PRDM5: variants seen among roughly 807,000 people sequenced by gnomAD.
PRDM5 encodes PR/SET domain 5, also known as PR domain zinc finger protein 5.
In PRDM5, 56 loss-of-function variants were observed where a neutral mutation model predicts 81.2. The ratio of observed to expected loss-of-function variants is 0.69; its 90% CI spans 0.56 to 0.86. The LOEUF is 0.86. Among genes scored for constraint, PRDM5 ranks in the 40% least tolerant of loss-of-function variants. The pLI is 0.00. For missense variants in PRDM5, 697 were observed against 770.1 expected, an observed-to-expected ratio of 0.91 and a Z score of 1.12; for synonymous variants, 267 against 256.4, an observed-to-expected ratio of 1.04 and a Z score of -0.39.
chr4:120,743,541 C>T (rs1404644233), intron 14 of PRDM5, among the ~76,000 whole-genome samples: 9 of 133,578 alleles, frequency 6.7e-5, no homozygotes, highest in Middle Eastern at 3.7e-3. Flanking sequence ...ACCCATCTCA[C>T]GTGCAGAGAC....
intron 14 of PRDM5, among the ~76,000 whole-genome samples, chr4:120,753,076 C>T (rs1295501665): frequency 6.6e-6 from 1 of 152,146 alleles, no homozygotes; most frequent in Non-Finnish European, 1.5e-5. Flanking sequence ...TGTCTATCTT[C>T]AGTAATCAAG....
In PRDM5 at chr4:120,753,578, G is replaced by A. The variant is rs776567857; in HGVS notation, c.1623+975C>T. Among the ~76,000 whole-genome samples the A allele has an allele frequency of 2.1e-4, 32 of 151,996 alleles. 1 individual carries two copies. The highest frequency in any genetic ancestry group is 2.6e-4 in the Non-Finnish European group (18 of 67,970). On this transcript the variant is annotated intron_variant, in intron 14 of 15. Transcript: ENST00000264808. ...TGGAAGGCTACAGTATTATTATACCGGGAAGAATATTATTATTATGTGTTT... is the reference window on the plus strand; with the variant it reads ...TGGAAGGCTACAGTATTATTATACCAGGAAGAATATTATTATTATGTGTTT...
Position 120,777,275 on chromosome 4 carries a change from T to C in PRDM5, c.1450A>G (p.Thr484Ala), listed in dbSNP as rs1748310565. ...GGACAGATTTTCTCCTTTTCTCCTG[T>C]ATGTGTCTAAAAGGAAAGGGATAAA... ...SVLRSHKKTH[T>A]GEKEKICPYC... Residue 484 changes from threonine to alanine, a missense_variant, in exon 13 of 16, where the codon ACA becomes GCA. This residue lies in a region of PRDM5 where 577 missense variants were observed against 606.7 expected (regional missense o/e 0.95). Transcript: ENST00000264808. The C allele has an allele frequency of 6.2e-7, 1 of 1,613,308 alleles. No homozygotes were observed. The highest frequency in any genetic ancestry group is 8.5e-7 in the Non-Finnish European group (1 of 1,179,442).
At chr4:120,899,842 A>G (rs912111927) in intron 2 of PRDM5, among the ~76,000 whole-genome samples, 8 of 152,148 alleles carry the variant, frequency 5.3e-5, no homozygotes, top group African/African-American at 9.7e-5. Flanking sequence ...CCAACTTGCT[A>G]TAGACTGGAG....
downstream of PRDM5, among the ~76,000 whole-genome samples, chr4:120,688,604 T>C (rs1733922318): frequency 6.6e-6 from 1 of 152,194 alleles, no homozygotes; most frequent in Non-Finnish European, 1.5e-5. Context: ...TTTTAAAGTT[T>C]TGGGTTTTAC....
At position 120,692,854 on chromosome 4, in the gene PRDM5, A is replaced by T. The variant is rs1167175618; in HGVS notation, c.*2257T>A. 1 of 152,078 alleles carries T rather than the reference A, an allele frequency of 6.6e-6. No individual in the cohort carries two copies. The highest frequency in any genetic ancestry group is 1.9e-4 in the East Asian group (1 of 5,196). The allele number at this position is 152,078 out of a possible 1,614,324, so 9.4% of individuals were successfully genotyped here. A position where few individuals can be genotyped will look rare whatever the true frequency, so the allele number is the denominator to read the frequency against. On this transcript the variant is annotated 3_prime_UTR_variant, in exon 16 of 16. Transcript: ENST00000264808. ...TTTCAATTGATCAATCATGCCTAAA[A>T]TAGTGTCTTTTTTTGGTTATTACTA...
intron 2 of PRDM5, among the ~76,000 whole-genome samples, chr4:120,884,892 G>A (rs1226621433): frequency 6.6e-6 from 1 of 151,834 alleles, no homozygotes; most frequent in African/African-American, 2.4e-5. Flanking sequence ...GGCCGGGCGC[G>A]GTGGCTCATG....
chr4:120,686,399 T>C (rs879005087), intron 1 of PRDM5, among the ~76,000 whole-genome samples: 4 of 152,156 alleles, frequency 2.6e-5, no homozygotes, highest in Admixed American at 2.6e-4. Flanking sequence ...TGTTACATTG[T>C]ACCTTTGTTA....
chr4:120,919,355 C>T (rs946897130), intron 1 of PRDM5, among the ~76,000 whole-genome samples: 1 of 152,192 alleles, frequency 6.6e-6, no homozygotes, highest in African/African-American at 2.4e-5. Context: ...TAGTACAGTA[C>T]CTGCCACATA....
rs1297947286 is a variant in PRDM5, at chr4:120,887,918, A to G, written c.177+19556T>C. 3.0e-5 allele frequency among the ~76,000 whole-genome samples: 3 copies of G among 98,768 alleles called. 1 individual carries two copies. Among genetic ancestry groups the G allele is most frequent in the East Asian group, 2.8e-4 (1 of 3,534 alleles). 64.8% of individuals were successfully genotyped at this position (98,768 alleles called of 152,430 possible). A position where few individuals can be genotyped will look rare whatever the true frequency, so the allele number is the denominator to read the frequency against. ...CGCCATTCTCCTGCCTCAGCCTCCCAAGTAGCTGGGACTACAGGCGCCCGC... is the reference window on the plus strand; with the variant it reads ...CGCCATTCTCCTGCCTCAGCCTCCCGAGTAGCTGGGACTACAGGCGCCCGC... On this transcript the variant is annotated intron_variant, in intron 2 of 15. Coordinates refer to ENST00000264808, the MANE Select transcript of PRDM5 (RefSeq NM_018699.4).
At chr4:120,804,571 GA>G (rs1192882615) in intron 8 of PRDM5, among the ~76,000 whole-genome samples, 1 of 152,120 alleles carries the variant, frequency 6.6e-6, no homozygotes, top group Non-Finnish European at 1.5e-5. Context: ...CAACTACATG[GA>G]AACTGAACAA....
intron 2 of PRDM5, among the ~76,000 whole-genome samples, chr4:120,859,494 G>C (rs915471798): frequency 6.6e-6 from 1 of 152,026 alleles, no homozygotes; most frequent in South Asian, 2.1e-4. Flanking sequence ...CAAAGTGCTG[G>C]GATTACAGGC....
intron 1 of PRDM5, among the ~76,000 whole-genome samples, chr4:120,912,907 T>C (rs1174620759): frequency 6.6e-6 from 1 of 152,242 alleles, no homozygotes; most frequent in African/African-American, 2.4e-5. Flanking sequence ...AACATAATTA[T>C]GTTTCAATGT....
chr4:120,867,212 C>T (rs1043821352), intron 2 of PRDM5, among the ~76,000 whole-genome samples: 5 of 151,994 alleles, frequency 3.3e-5, no homozygotes, highest in African/African-American at 1.2e-4. Flanking sequence ...CTTTTAAGAC[C>T]CTTAAGCAGA....
intron 7 of PRDM5, among the ~76,000 whole-genome samples, chr4:120,812,246 A>G (rs1444864845): frequency 6.6e-6 from 1 of 152,174 alleles, no homozygotes; most frequent in African/African-American, 2.4e-5. Flanking sequence ...TGCAATAAAC[A>G]TGGGAGTGCA....
chr4:120,881,206 AT>A (rs1237335904), intron 2 of PRDM5, among the ~76,000 whole-genome samples: 2 of 152,264 alleles, frequency 1.3e-5, no homozygotes, highest in East Asian at 1.9e-4. Context: ...TCACACAAAG[AT>A]TTTTTTGTCT....
intron 14 of PRDM5, among the ~76,000 whole-genome samples, chr4:120,727,215 C>A (rs918041425): frequency 1.3e-5 from 2 of 152,092 alleles, no homozygotes; most frequent in Non-Finnish European, 2.9e-5. Context: ...GCACAGTGAA[C>A]ATTTGACTGG....
intron 11 of PRDM5, among the ~76,000 whole-genome samples, 161 bp downstream of exon 11, chr4:120,784,837 G>A (rs747301627): frequency 1.3e-5 from 2 of 151,748 alleles, no homozygotes; most frequent in Admixed American, 6.6e-5. Flanking sequence ...AATATAAAGC[G>A]AAAAAAAGTG....
At chr4:120,709,210 T>C (rs753051795) in intron 15 of PRDM5, among the ~76,000 whole-genome samples, 2 of 152,158 alleles carry the variant, frequency 1.3e-5, no homozygotes, top group Non-Finnish European at 2.9e-5. Context: ...CAGCTACTTG[T>C]GTCACAGTAC....
Sources: gnomAD v4.1 joint callset for allele counts (sites outside exome capture counted in the v4.1 genomes callset) on GRCh38, gnomAD v4.1.1 for gene constraint, gnomAD v4.1.1 regional missense constraint, MANE v1.5 for transcripts, NCBI Gene and HGNC (gene_info 2026-07-23, HGNC 2026-07-21) for gene names.